The following FREM3 variants were observed in gnomAD, a reference collection of about 807,000 sequenced individuals.
The protein encoded by FREM3 is FRAS1 related extracellular matrix 3, also known as FRAS1-related extracellular matrix protein 3.
In FREM3, 105 loss-of-function variants were observed where a neutral mutation model predicts 129.1. The ratio of observed to expected loss-of-function variants is 0.81; its 90% CI spans 0.69 to 0.96. The LOEUF is 0.96. Ranked by LOEUF, FREM3 falls within the 40% of genes least tolerant of loss-of-function variation. FREM3 has a pLI of 0.00. For synonymous variants in FREM3, 1,014 were observed against 1,044.9 expected (o/e 0.97, Z 0.57); for missense variants, 2,593 against 2,666.3 (o/e 0.97, Z 0.61).
At chr4:143,618,984 A>G (rs985775983) in intron 5 of FREM3, among the ~76,000 whole-genome samples, 2 of 152,130 alleles carry the variant, frequency 1.3e-5, no homozygotes, top group African/African-American at 4.8e-5. Flanking sequence ...CTAAACTCCC[A>G]CTAGCTTCCT....
At chr4:143,623,502 C>A (rs550388699) in intron 4 of FREM3, among the ~76,000 whole-genome samples, 157 of 137,146 alleles carry the variant, frequency 1.1e-3, no homozygotes, top group African/African-American at 3.9e-3. Context: ...ATCCCCCCCC[C>A]CCCCCACCAT....
intron 2 of FREM3, chr4:143,645,098 G>A (rs1739392561): frequency 6.6e-6 from 1 of 152,200 alleles, no homozygotes; most frequent in African/African-American, 2.4e-5. Context: ...GTACACGAGA[G>A]TCCAGCAGGA....
intron 2 of FREM3, among the ~76,000 whole-genome samples, chr4:143,659,089 TTTATTATTATTA>T (rs34321854): frequency 1.4e-5 from 2 of 141,516 alleles, no homozygotes; most frequent in Non-Finnish European, 3.1e-5. Context: ...ATTATTTTTA[TTTATTATTATTA>T]TTATTATTAT....
In FREM3 at chr4:143,621,108, T is replaced by C; in HGVS notation, c.5708A>G (p.Glu1903Gly). 6.5e-7 allele frequency: 1 copy of C among 1,536,962 alleles called. No individual in the cohort carries two copies. Among genetic ancestry groups the C allele is most frequent in the Non-Finnish European group, 8.7e-7 (1 of 1,146,658 alleles). ...AEYKIEEDIGELLIPVRRSGD... is the reference protein window; with the variant it reads ...AEYKIEEDIGGLLIPVRRSGD... ...AGATCGTCTTACTGGAATCAAAAGT[T>C]CCCCAATGTCCTCTTCTATTTTGTA... Residue 1903 changes from glutamate to glycine, a missense_variant, in exon 5 of 8, where the codon GAA becomes GGA. By Grantham distance (98) the Glu-to-Gly change is moderately conservative. Around this residue, in one of 2 missense-constraint regions of FREM3, gnomAD observed 317 missense variants for 399.0 expected, o/e 0.79. Coordinates refer to ENST00000329798, the MANE Select transcript of FREM3 (RefSeq NM_001168235.2).
At chr4:143,669,779 A>G (rs921182089) in intron 2 of FREM3, among the ~76,000 whole-genome samples, 3 of 151,944 alleles carry the variant, frequency 2.0e-5, no homozygotes, top group South Asian at 2.1e-4. Context: ...TTTGCATTCT[A>G]CAGAAGCATG....
At chr4:143,605,315 T>C (rs1738649916) in intron 6 of FREM3, among the ~76,000 whole-genome samples, 1 of 152,274 alleles carries the variant, frequency 6.6e-6, no homozygotes, top group South Asian at 2.1e-4. Flanking sequence ...GGGTATACTA[T>C]TTCTTCAAGA....
At chr4:143,620,901 G>C (rs1008976751) in intron 5 of FREM3, 136 bp downstream of exon 5, 5 of 787,902 alleles carry the variant, frequency 6.3e-6, no homozygotes, top group African/African-American at 1.8e-5. Flanking sequence ...GTTCGCAGCA[G>C]GGCATGGACA....
intron 2 of FREM3, among the ~76,000 whole-genome samples, chr4:143,652,820 G>A (rs1333768240): frequency 6.6e-6 from 1 of 152,036 alleles, no homozygotes. Flanking sequence ...ATAGAGATGG[G>A]GTTTTGCCAT....
Position 143,700,644 on chromosome 4 carries a change from G to A in FREM3, c.32C>T (p.Thr11Met), listed in dbSNP as rs1365287734. ...GAGCGCCACAAGGAGCTGCCGGGGC[G>A]TCCCAGTCGGGTGCCGAGAAGCCCC... MAGASRHPTGTPRQLLVALAC... is the reference protein window; with the variant it reads MAGASRHPTGMPRQLLVALAC... The change falls in exon 1 of 8, where the codon ACG (threonine) becomes ATG (methionine). Residue 11 changes from threonine to methionine, a missense_variant. Physicochemically the swap from Thr to Met is moderately conservative, Grantham distance 81 (BLOSUM62 -1). This residue lies in a region of FREM3 where 2,276 missense variants were observed against 2,267.2 expected (regional missense o/e 1.00). Coordinates refer to ENST00000329798, the MANE Select transcript of FREM3 (RefSeq NM_001168235.2). The A allele has an allele frequency of 9.8e-6, 14 of 1,434,050 alleles. No individual in the cohort carries two copies. Among genetic ancestry groups the A allele is most frequent in the Non-Finnish European group, 1.3e-5 (14 of 1,098,890 alleles). 88.8% of individuals were successfully genotyped at this position (1,434,050 alleles called of 1,614,324 possible). A position where few individuals can be genotyped will look rare whatever the true frequency, so the allele number is the denominator to read the frequency against.
chr4:143,579,845 C>A (rs1738101298), intron 7 of FREM3, among the ~76,000 whole-genome samples: 1 of 152,170 alleles, frequency 6.6e-6, no homozygotes, highest in South Asian at 2.1e-4. Context: ...CAAGTATAAA[C>A]CTTACTTCTA....
intron 7 of FREM3, among the ~76,000 whole-genome samples, chr4:143,582,476 C>G (rs1235941516): frequency 6.6e-6 from 1 of 152,092 alleles, no homozygotes; most frequent in Non-Finnish European, 1.5e-5. Context: ...CTGAACAAAG[C>G]CTTGGCCCTC....
intron 2 of FREM3, among the ~76,000 whole-genome samples, chr4:143,664,341 A>G (rs996251300): frequency 3.3e-5 from 5 of 152,106 alleles, no homozygotes; most frequent in African/African-American, 1.2e-4. Context: ...GGAGTTTGCT[A>G]GAGGTCCACT....
chr4:143,622,934 A>T (rs1356149639), intron 4 of FREM3, among the ~76,000 whole-genome samples: 1 of 152,128 alleles, frequency 6.6e-6, no homozygotes, highest in Admixed American at 6.5e-5. Flanking sequence ...CATTTACTTC[A>T]TAACTGATTC....
intron 2 of FREM3, among the ~76,000 whole-genome samples, chr4:143,648,418 G>A (rs952459707): frequency 1.3e-5 from 2 of 152,288 alleles, no homozygotes; most frequent in East Asian, 3.9e-4. Flanking sequence ...GAGGGGCCAG[G>A]GATGGAGTGA....
intron 5 of FREM3, among the ~76,000 whole-genome samples, chr4:143,618,063 T>G (rs573939867): frequency 2.6e-5 from 4 of 152,280 alleles, no homozygotes; most frequent in Admixed American, 2.0e-4. Context: ...CATATGTAAT[T>G]GCTACGCTAG....
chr4:143,625,930 C>G (rs757564931), intron 3 of FREM3, among the ~76,000 whole-genome samples: 2 of 152,168 alleles, frequency 1.3e-5, no homozygotes, highest in Non-Finnish European at 2.9e-5. Flanking sequence ...TCAAACACAT[C>G]GTGAGATGGA....
chr4:143,655,212 G>T (rs375315404), intron 2 of FREM3, among the ~76,000 whole-genome samples: 1 of 152,140 alleles, frequency 6.6e-6, no homozygotes, highest in East Asian at 1.9e-4. Context: ...AAATTCAGGG[G>T]AGAGAAAAAT....
chr4:143,672,327 G>C (rs141567071), intron 2 of FREM3, among the ~76,000 whole-genome samples: 162 of 152,292 alleles, frequency 1.1e-3, no homozygotes, highest in Admixed American at 4.5e-3. Context: ...AAGAGACTTT[G>C]TTTGGTTGTT....
At chr4:143,652,881 G>A (rs749861320) in intron 2 of FREM3, among the ~76,000 whole-genome samples, 10 of 152,212 alleles carry the variant, frequency 6.6e-5, no homozygotes, top group Admixed American at 2.0e-4. Context: ...CGCCTGCCTC[G>A]GCCTCCCTAA....
Sources: gnomAD v4.1 joint callset for allele counts (sites outside exome capture counted in the v4.1 genomes callset) on GRCh38, gnomAD v4.1.1 for gene constraint, gnomAD v4.1.1 regional missense constraint, MANE v1.5 for transcripts, NCBI Gene and HGNC (gene_info 2026-07-23, HGNC 2026-07-21) for gene names.